The following SLC1A2 variants were observed in gnomAD, a reference collection of about 807,000 sequenced individuals.
SLC1A2 encodes the protein solute carrier family 1 member 2.
A neutral mutation model predicts 48.8 loss-of-function variants in SLC1A2; 15 were observed. The observed-to-expected ratio is 0.31, with a 90% CI of 0.21 to 0.47. The LOEUF (loss-of-function observed/expected upper bound fraction) is 0.47. Ranked by LOEUF, SLC1A2 falls within the 20% of genes least tolerant of loss-of-function variation. The pLI is 0.99. For missense variants in SLC1A2, 502 were observed against 730.5 expected (o/e 0.69, Z 3.61); for synonymous variants, 279 against 272.6 (o/e 1.02, Z -0.23).
chr11:35,294,412 C>T (rs1431536261), intron 6 of SLC1A2, among the ~76,000 whole-genome samples: 2 of 152,102 alleles, frequency 1.3e-5, no homozygotes, highest in Non-Finnish European at 1.5e-5. Flanking sequence ...GTCATTAAAC[C>T]CTTAGCTCTC....
intron 7 of SLC1A2, among the ~76,000 whole-genome samples, chr11:35,289,301 A>AT (rs11440191): frequency 0.24 from 36,162 of 147,808 alleles, 4,463 homozygotes; most frequent in Admixed American, 0.3. Flanking sequence ...TGGGTTTTAC[A>AT]TTTTTTTTTT....
intron 1 of SLC1A2, among the ~76,000 whole-genome samples, chr11:35,342,983 T>G (rs770256977): frequency 3.9e-5 from 6 of 152,186 alleles, no homozygotes; most frequent in Non-Finnish European, 8.8e-5. Flanking sequence ...GGACATCTTT[T>G]CCAGAATGGA....
In SLC1A2 at chr11:35,419,257, C is replaced by G. The variant is rs1855708072; in HGVS notation, c.-291G>C. 1.1e-5 allele frequency: 4 copies of G among 379,742 alleles called. No individual in the cohort carries two copies. Among genetic ancestry groups the G allele is most frequent in the South Asian group, 6.7e-5 (1 of 15,030 alleles). The allele number at this position is 379,742 out of a possible 1,614,324, so 23.5% of individuals were successfully genotyped here. A position where few individuals can be genotyped will look rare whatever the true frequency, so the allele number is the denominator to read the frequency against. ...CCGGGGGCTCCGAGGGTGGCTTCCC[C>G]GAGAGAGCGATGCGCCCAGGGCTGC... is the stretch of plus-strand genomic sequence containing the variant. On this transcript the variant is annotated 5_prime_UTR_variant, in exon 1 of 11. Transcript: ENST00000278379. This position sits in a 1 kb window ranked among gnomAD's most constrained non-coding sequence, Gnocchi z 5.4.
chr11:35,306,371 G>T, intron 4 of SLC1A2, 129 bp from the exon 5 acceptor site: 1 of 630,618 alleles, frequency 1.6e-6, no homozygotes, highest in Non-Finnish European at 2.6e-6. Flanking sequence ...GCCAAAACAA[G>T]GTTATGAAAA....
intron 1 of SLC1A2, among the ~76,000 whole-genome samples, chr11:35,391,910 G>C (rs1854781463): frequency 6.6e-6 from 1 of 152,134 alleles, no homozygotes; most frequent in Admixed American, 6.5e-5. Context: ...GCGTAGGAAA[G>C]ATTGCAAATA....
intron 1 of SLC1A2, among the ~76,000 whole-genome samples, chr11:35,410,259 C>T (rs2135294589): frequency 6.6e-6 from 1 of 152,246 alleles, no homozygotes; most frequent in Non-Finnish European, 1.5e-5. Flanking sequence ...CATTATTTTA[C>T]ATACTTATCA....
chr11:35,350,551 T>C (rs1041617082), intron 1 of SLC1A2, among the ~76,000 whole-genome samples: 8 of 152,206 alleles, frequency 5.3e-5, no homozygotes, highest in African/African-American at 1.9e-4. Flanking sequence ...AACCCAGGTC[T>C]CTCCAGTCAA....
intron 1 of SLC1A2, among the ~76,000 whole-genome samples, chr11:35,347,959 T>A (rs1302666275): frequency 1.3e-5 from 2 of 152,212 alleles, no homozygotes; most frequent in Non-Finnish European, 2.9e-5. Context: ...AATTCAGAAG[T>A]GGCAGAAGGG....
intron 1 of SLC1A2, among the ~76,000 whole-genome samples, chr11:35,369,171 T>G (rs1422912428): frequency 6.6e-6 from 1 of 152,170 alleles, no homozygotes; most frequent in African/African-American, 2.4e-5. Flanking sequence ...GGATAATATG[T>G]GGGCAGCAAA....
intron 1 of SLC1A2, among the ~76,000 whole-genome samples, chr11:35,418,148 A>G (rs1855666833): frequency 1.3e-5 from 2 of 152,162 alleles, no homozygotes; most frequent in Non-Finnish European, 2.9e-5. Context: ...TGAGTATTCA[A>G]AGAATCCTTT....
intron 1 of SLC1A2, among the ~76,000 whole-genome samples, chr11:35,405,836 T>C (rs987100676): frequency 6.6e-6 from 1 of 152,182 alleles, no homozygotes; most frequent in African/African-American, 2.4e-5. Context: ...GGATGTTCAA[T>C]TGACCACCAG....
intron 1 of SLC1A2, among the ~76,000 whole-genome samples, chr11:35,394,904 A>T (rs148734701): frequency 5.3e-5 from 8 of 152,284 alleles, no homozygotes; most frequent in African/African-American, 1.7e-4. Context: ...CTAGAAAAGC[A>T]TTTCTCTCCT....
intron 8 of SLC1A2, chr11:35,285,986 T>C (rs535655427): frequency 6.6e-6 from 1 of 152,318 alleles, no homozygotes; most frequent in Admixed American, 6.5e-5. Context: ...CTTTATTTCA[T>C]GCTGTAATGT....
chr11:35,319,682 G>C lies in SLC1A2; in HGVS notation c.18-2166C>G, dbSNP rs1439388286. Among the ~76,000 whole-genome samples the C allele has an allele frequency of 2.0e-5, 3 of 152,208 alleles. 1 individual carries two copies. The South Asian group carries it at 6.2e-4, about 31-fold the overall frequency. On this transcript the variant is annotated intron_variant, in intron 1 of 10. Coordinates refer to ENST00000278379, the MANE Select transcript of SLC1A2 (RefSeq NM_004171.4). ...TAGGTTAGCATACACACCCAACCTG[G>C]CAATGTGGTTGGATGCCTGTGCCAC...
At chr11:35,356,358 G>C (rs142032333) in intron 1 of SLC1A2, among the ~76,000 whole-genome samples, 1 of 152,246 alleles carries the variant, frequency 6.6e-6, no homozygotes, top group Non-Finnish European at 1.5e-5. Flanking sequence ...TGACCTCATT[G>C]GTGTCCCGAG....
At chr11:35,287,727 C>T (rs946989959) in intron 7 of SLC1A2, among the ~76,000 whole-genome samples, 3 of 152,192 alleles carry the variant, frequency 2.0e-5, no homozygotes, top group African/African-American at 7.2e-5. Context: ...ATTCCTGACA[C>T]GTTCATATGT....
chr11:35,345,970 C>A lies in SLC1A2; in HGVS notation c.18-28454G>T, dbSNP rs190659929. Among the ~76,000 whole-genome samples the A allele has an allele frequency of 4.0e-3, 613 of 152,314 alleles. 5 individuals carry two copies. Among genetic ancestry groups the A allele is most frequent in the African/African-American group, 0.014 (592 of 41,560 alleles). ...AAGACCCATTTTGCAGGTGAGAACA[C>A]CAAGTCACAGAGAAATTAAGTAACT... On this transcript the variant is annotated intron_variant, in intron 1 of 10. Transcript: ENST00000278379.
intron 1 of SLC1A2, among the ~76,000 whole-genome samples, chr11:35,391,959 G>C (rs1565298399): frequency 2.0e-5 from 3 of 152,164 alleles, no homozygotes; most frequent in African/African-American, 7.2e-5. Context: ...ATTTAGGCTA[G>C]AAGTCCAATG....
intron 1 of SLC1A2, among the ~76,000 whole-genome samples, chr11:35,334,032 T>C (rs1023035588): frequency 4.6e-5 from 7 of 152,100 alleles, no homozygotes; most frequent in Admixed American, 6.5e-5. Context: ...TATTGAAAGT[T>C]ACTAAAGGGT....
Sources: allele counts gnomAD v4.1 joint callset (sites outside exome capture counted in the v4.1 genomes callset), GRCh38; gene constraint gnomAD v4.1.1; non-coding constraint Gnocchi (gnomAD v3.1); transcripts MANE v1.5; gene names NCBI Gene and HGNC (gene_info 2026-07-23, HGNC 2026-07-21).